Variants in C2CD2 observed in about 807,000 individuals in gnomAD.
C2CD2 encodes C2 calcium dependent domain containing 2.
A neutral mutation model predicts 74.3 loss-of-function variants in C2CD2; 43 were observed. That is an observed-to-expected ratio of 0.58 (90% CI 0.45 to 0.75). The LOEUF is 0.75. Among genes scored for constraint, C2CD2 ranks in the 30% least tolerant of loss-of-function variants. C2CD2 has a pLI of 0.00. For missense variants in C2CD2, 801 were observed against 916.3 expected (o/e 0.87, Z 1.63); for synonymous variants, 422 against 390.7 (o/e 1.08, Z -0.94).
chr21:41,912,638 A>C (rs1370618117), intron 6 of C2CD2, among the ~76,000 whole-genome samples, 198 bp from the exon 7 acceptor site: 8 of 152,054 alleles, frequency 5.3e-5, no homozygotes, highest in Non-Finnish European at 8.8e-5. Flanking sequence ...TTACAGGCGC[A>C]CGCCTCCACG....
In C2CD2 at chr21:41,932,216, A is replaced by T. The variant is rs2065268797; in HGVS notation, c.378+9931T>A. Among the ~76,000 whole-genome samples, 3 of 150,010 alleles carry T rather than the reference A, an allele frequency of 2.0e-5. No individual in the cohort carries two copies. The South Asian group carries it at 6.4e-4, about 32-fold the overall frequency. The stretch of plus-strand genomic sequence containing the variant: ...GGGGAGCTTCCAAGGTGGTGAATAC[A>T]TCAAGGTGCCGGGCGGGTGGCTCGT... On this transcript the variant is annotated intron_variant, in intron 2 of 13. Transcript: ENST00000380486.
intron 6 of C2CD2, among the ~76,000 whole-genome samples, chr21:41,914,024 T>A (rs2146183275): frequency 6.6e-6 from 1 of 152,110 alleles, no homozygotes. Context: ...GGTAGGGAGT[T>A]CAAGACCAGC....
chr21:41,899,292 T>C lies in C2CD2; in HGVS notation c.1631A>G (p.Gln544Arg). ...CTCCGGATGGGATGGGGCGTCCTCC[T>C]GGTGGGTGCTGTCCACAGAGGCCGT... ...GYTASVDSTH[Q>R]EDAPSHPERA... is the part of the protein sequence containing the mutation. The change falls in exon 13 of 14, where the codon CAG becomes CGG. Residue 544 changes from glutamine to arginine, a missense_variant. By Grantham distance (43) the Gln-to-Arg change is conservative. Coordinates refer to ENST00000380486, the MANE Select transcript of C2CD2 (RefSeq NM_015500.2). The surrounding 1 kb of genome is among the most constrained non-coding windows in gnomAD (Gnocchi z 4.4). 6.2e-7 allele frequency: 1 copy of C among 1,611,376 alleles called. No individual in the cohort carries two copies. Among genetic ancestry groups the C allele is most frequent in the Non-Finnish European group, 8.5e-7 (1 of 1,179,968 alleles).
chr21:41,947,136 C>T (rs1247370665), intron 1 of C2CD2, among the ~76,000 whole-genome samples: 1 of 118,306 alleles, frequency 8.5e-6, no homozygotes, highest in East Asian at 2.1e-4. Context: ...CTCTCTCTCT[C>T]TCTCCCTCCC....
chr21:41,889,068 T>G lies in C2CD2; in HGVS notation c.*56A>C, dbSNP rs1170671251. The stretch of plus-strand genomic sequence containing the variant: ...GGCGGACACACTGGCTGCGTCCTGG[T>G]GAGGGTAGTTAACATGGGTGCACGT... On this transcript the variant is annotated 3_prime_UTR_variant, in exon 14 of 14. Coordinates refer to ENST00000380486, the MANE Select transcript of C2CD2 (RefSeq NM_015500.2). The G allele has an allele frequency of 5.3e-6, 7 of 1,309,378 alleles. No individual in the cohort carries two copies. The highest frequency in any genetic ancestry group is 2.6e-4 in the Middle Eastern group (1 of 3,890). The allele number at this position is 1,309,378 out of a possible 1,614,324, so 81.1% of individuals were successfully genotyped here. A position where few individuals can be genotyped will look rare whatever the true frequency, so the allele number is the denominator to read the frequency against.
At chr21:41,947,890 G>T (rs563969950) in intron 1 of C2CD2, among the ~76,000 whole-genome samples, 2 of 152,170 alleles carry the variant, frequency 1.3e-5, no homozygotes, top group African/African-American at 4.8e-5. Flanking sequence ...GCCCTTCCAC[G>T]GGCTGAAGAA....
chr21:41,919,559 G>T (rs974478428), intron 3 of C2CD2, among the ~76,000 whole-genome samples: 9 of 152,154 alleles, frequency 5.9e-5, no homozygotes, highest in Admixed American at 2.0e-4. Flanking sequence ...GGGAGTATCC[G>T]CAAGGCATAA....
rs2064714940 is a variant in C2CD2 at position 41,889,015 on chromosome 21, G to C, written c.*109C>G. 1 of 802,272 alleles carries C rather than the reference G, an allele frequency of 1.2e-6. No individual in the cohort carries two copies. Among genetic ancestry groups the C allele is most frequent in the East Asian group, 2.7e-5 (1 of 37,578 alleles). 49.7% of individuals were successfully genotyped at this position (802,272 alleles called of 1,614,324 possible). A position where few individuals can be genotyped will look rare whatever the true frequency, so the allele number is the denominator to read the frequency against. The stretch of plus-strand genomic sequence containing the variant: ...TGACGAGATGGTTGGAAGAAACCCA[G>C]CAAGACAAGCGGGGCATCTGGACAT... On this transcript the variant is annotated 3_prime_UTR_variant, in exon 14 of 14. Transcript: ENST00000380486.
At chr21:41,940,778 C>T (rs1305052971) in intron 2 of C2CD2, among the ~76,000 whole-genome samples, 1 of 152,220 alleles carries the variant, frequency 6.6e-6, no homozygotes, top group Non-Finnish European at 1.5e-5. Context: ...TCCTTCTTTT[C>T]CCTCCTAAAG....
At chr21:41,910,962 G>A (rs1422495562) in intron 7 of C2CD2, among the ~76,000 whole-genome samples, 1 of 151,674 alleles carries the variant, frequency 6.6e-6, no homozygotes, top group East Asian at 1.9e-4. Context: ...TTTGTGTATA[G>A]TTTTTTCCCT....
intron 7 of C2CD2, among the ~76,000 whole-genome samples, chr21:41,910,013 AAG>A (rs1436924964): frequency 7.2e-6 from 1 of 138,814 alleles, no homozygotes; most frequent in African/African-American, 2.6e-5. Context: ...AAAAAAAAAA[AAG>A]TAGAGATGAA....
Position 41,929,410 on chromosome 21 carries a change from A to T in C2CD2, c.379-7325T>A, listed in dbSNP as rs148757789. 8.2e-4 allele frequency among the ~76,000 whole-genome samples: 125 copies of T among 152,314 alleles called. 2 individuals are homozygous for T. Among genetic ancestry groups the T allele is most frequent in the African/African-American group, 2.9e-3 (119 of 41,570 alleles). On this transcript the variant is annotated intron_variant, in intron 2 of 13. Coordinates refer to ENST00000380486, the MANE Select transcript of C2CD2 (RefSeq NM_015500.2). This position sits in a 1 kb window ranked among gnomAD's most constrained non-coding sequence, Gnocchi z 4.6. ...CAACGTGTGCCATGCGGGGTACTGC[A>T]CGGGCACAGGCCTGCCCTGCTTCCC... is the stretch of plus-strand genomic sequence containing the variant.
intron 13 of C2CD2, among the ~76,000 whole-genome samples, chr21:41,898,682 C>T (rs1189397641): frequency 6.6e-6 from 1 of 152,180 alleles, no homozygotes; most frequent in East Asian, 1.9e-4. Context: ...TCCATATCGG[C>T]AGTGGAAGGA....
chr21:41,885,503 A>G lies in C2CD2; in HGVS notation c.*3621T>C, dbSNP rs1284273230. 1 of 152,706 alleles carries G rather than the reference A, an allele frequency of 6.5e-6. No homozygotes were observed. The highest frequency in any genetic ancestry group is 1.5e-5 in the Non-Finnish European group (1 of 68,084). The allele number at this position is 152,706 out of a possible 1,614,324, so 9.5% of individuals were successfully genotyped here. On this transcript the variant is annotated 3_prime_UTR_variant, in exon 14 of 14. Coordinates refer to ENST00000380486, the MANE Select transcript of C2CD2 (RefSeq NM_015500.2). ...CCAAGTTAACCTGAGTTTGCTCTGC[A>G]GGATTCCGCGGGGGCCTTGCCCTGT...
At chr21:41,921,448 G>A (rs543567289) in intron 3 of C2CD2, among the ~76,000 whole-genome samples, 2 of 152,318 alleles carry the variant, frequency 1.3e-5, no homozygotes, top group South Asian at 2.1e-4. Context: ...TTATAGAGAT[G>A]TGTAAAATTA....
Position 41,923,855 on chromosome 21 carries a change from G to A in C2CD2, c.379-1770C>T, listed in dbSNP as rs761009792. Among the ~76,000 whole-genome samples, 12 of 152,148 alleles carry A rather than the reference G, an allele frequency of 7.9e-5. No homozygotes were observed. Among genetic ancestry groups the A allele is most frequent in the Non-Finnish European group, 1.5e-4 (10 of 68,038 alleles). ...CGGGGGCAGAGGGCCAAGCAGACAC[G>A]TGTGGGATAATTACCAGGCCAGGTG... On this transcript the variant is annotated intron_variant, in intron 2 of 13. Coordinates refer to ENST00000380486, the MANE Select transcript of C2CD2 (RefSeq NM_015500.2). The surrounding 1 kb of genome is among the most constrained non-coding windows in gnomAD (Gnocchi z 5.8).
chr21:41,944,320 G>A (rs2065379937), intron 1 of C2CD2, among the ~76,000 whole-genome samples: 1 of 151,966 alleles, frequency 6.6e-6, no homozygotes, highest in Admixed American at 6.6e-5. Flanking sequence ...AGACCATCCT[G>A]GCTAACATGG....
intron 11 of C2CD2, among the ~76,000 whole-genome samples, chr21:41,904,468 C>T (rs898246911): frequency 6.6e-6 from 1 of 152,188 alleles, no homozygotes; most frequent in African/African-American, 2.4e-5. Flanking sequence ...TTCTTAATAA[C>T]TTGTTTTCAA....
chr21:41,904,917 G>T (rs559639311), intron 11 of C2CD2, among the ~76,000 whole-genome samples: 3 of 105,198 alleles, frequency 2.9e-5, no homozygotes, highest in Non-Finnish European at 5.7e-5. Flanking sequence ...TAATGAGTCA[G>T]TAAGACATCT....
Sources: allele counts gnomAD v4.1 joint callset (sites outside exome capture counted in the v4.1 genomes callset), GRCh38; gene constraint gnomAD v4.1.1; non-coding constraint Gnocchi (gnomAD v3.1); transcripts MANE v1.5; gene names NCBI Gene and HGNC (gene_info 2026-07-23, HGNC 2026-07-21).